The following AQR variants were observed in gnomAD, a reference collection of about 807,000 sequenced individuals.
The protein encoded by AQR is RNA helicase aquarius.
A neutral mutation model predicts 180.5 loss-of-function variants in AQR; 61 were observed. That is an observed-to-expected ratio of 0.34 (90% CI 0.28 to 0.42). AQR has a LOEUF of 0.42. AQR is among the 10% of genes least tolerant of loss of function. The pLI, the probability that AQR is intolerant of heterozygous loss-of-function variation, is 1.00. For missense variants in AQR, 1,281 were observed against 1,798.3 expected, an observed-to-expected ratio of 0.71 and a Z score of 5.20; for synonymous variants, 551 against 588.8, an observed-to-expected ratio of 0.94 and a Z score of 0.93.
chr15:34,873,160 T>C lies in AQR; in HGVS notation c.3597+668A>G, dbSNP rs547156598. ...GACAGATATTTGGGTTGTTTCTCAT[T>C]TCCAGAATAATTTGCAGTGATGAAC... On this transcript the variant is annotated intron_variant, in intron 30 of 34. Coordinates refer to ENST00000156471, the MANE Select transcript of AQR (RefSeq NM_014691.3). Among the ~76,000 whole-genome samples the C allele has an allele frequency of 9.3e-4, 141 of 152,242 alleles. 1 individual carries two copies. The highest frequency in any genetic ancestry group is 3.4e-3 in the African/African-American group (140 of 41,572).
At chr15:34,936,755 C>T (rs773924953) in intron 9 of AQR, among the ~76,000 whole-genome samples, 7 of 151,188 alleles carry the variant, frequency 4.6e-5, no homozygotes, top group Non-Finnish European at 7.4e-5. Flanking sequence ...AGTATATAAA[C>T]AATAGCGGCA....
At chr15:34,886,861 C>T (rs539956091) in intron 24 of AQR, among the ~76,000 whole-genome samples, 200 bp from the exon 25 acceptor site, 12 of 151,876 alleles carry the variant, frequency 7.9e-5, no homozygotes, top group African/African-American at 2.7e-4. Context: ...CGGTGGTTCA[C>T]GCCTGTAATC....
chr15:34,958,830 A>T (rs968778858), intron 3 of AQR, among the ~76,000 whole-genome samples: 2 of 152,174 alleles, frequency 1.3e-5, no homozygotes, highest in African/African-American at 4.8e-5. Flanking sequence ...TCACCTTCAG[A>T]CCATATGTTA....
rs201774135 is a variant in AQR at position 34,932,349 on chromosome 15, C to A, written c.869G>T (p.Arg290Leu). The change falls in exon 11 of 35, where the codon CGT becomes CTT. Residue 290 changes from arginine to leucine, a missense_variant. Physicochemically the swap from Arg to Leu is moderately radical, Grantham distance 102. Coordinates refer to ENST00000156471, the MANE Select transcript of AQR (RefSeq NM_014691.3). The stretch of plus-strand genomic sequence containing the variant: ...AAAAAGATGGCCATCCTCTTCTCTA[C>A]GAACAAGATTGGAAAGGTAACAGTG... The part of the protein sequence containing the change: ...LVHCYLSNLV[R>L]REEDGHLFSQ... 5 of 1,613,456 alleles carry A rather than the reference C, an allele frequency of 3.1e-6. No homozygotes were observed. The highest frequency in any genetic ancestry group is 2.2e-5 in the South Asian group (2 of 91,052).
Position 34,944,918 on chromosome 15 carries a change from C to G in AQR, c.331-490G>C, listed in dbSNP as rs76727492. Reference sequence around the variant, plus strand: ...TTTGACCTACCTCTGTTTCTAGTTACTGCCACAGACAAATGCTCCAAGCGT... The same window carrying G: ...TTTGACCTACCTCTGTTTCTAGTTAGTGCCACAGACAAATGCTCCAAGCGT... On this transcript the variant is annotated intron_variant, in intron 5 of 34. Transcript: ENST00000156471. Among the ~76,000 whole-genome samples the G allele has an allele frequency of 5.8e-3, 879 of 152,286 alleles. 12 individuals are homozygous for G. Among genetic ancestry groups the G allele is most frequent in the African/African-American group, 0.018 (754 of 41,554 alleles).
intron 11 of AQR, among the ~76,000 whole-genome samples, chr15:34,930,818 C>CTTTTTTTTTTTTTT (rs77229498): frequency 1.2e-5 from 1 of 84,760 alleles, no homozygotes; most frequent in African/African-American, 5.0e-5. Context: ...TACGCCACTT[C>CTTTTTTTTTTTTTT]TTTTTTTTTT....
intron 15 of AQR, among the ~76,000 whole-genome samples, chr15:34,917,056 T>C (rs1362876605): frequency 6.6e-6 from 1 of 152,212 alleles, no homozygotes; most frequent in Non-Finnish European, 1.5e-5. Context: ...AGTAACTATT[T>C]TCTGACTTTT....
At chr15:34,939,862 C>T in intron 8 of AQR, among the ~76,000 whole-genome samples, 1 of 152,204 alleles carries the variant, frequency 6.6e-6, no homozygotes, top group East Asian at 1.9e-4. Flanking sequence ...GAAATGGGTA[C>T]TACTGTCCAG....
At chr15:34,932,911 G>C (rs774765253) in intron 10 of AQR, among the ~76,000 whole-genome samples, 2 of 152,086 alleles carry the variant, frequency 1.3e-5, no homozygotes, top group Non-Finnish European at 2.9e-5. Flanking sequence ...AACCAAGATC[G>C]TGCCACTGCA....
At position 34,900,906 on chromosome 15, in the gene AQR, C is replaced by T. The variant is rs747729743; in HGVS notation, c.2002-43G>A. ...GAAAAAGATTGTGTCAGTATGACAT[C>T]TCCAACATTTGCACTTACTGGAATG... On this transcript the variant is annotated intron_variant, in intron 19 of 34. Transcript: ENST00000156471. The T allele has an allele frequency of 1.9e-6, 3 of 1,541,232 alleles. No homozygotes were observed. The South Asian group carries it at 3.8e-5, about 20-fold the overall frequency.
chr15:34,927,070 A>G lies in AQR; in HGVS notation c.1083T>C (p.Thr361=), dbSNP rs1566990968. 3.1e-6 allele frequency: 5 copies of G among 1,598,350 alleles called. No individual in the cohort carries two copies. Among genetic ancestry groups the G allele is most frequent in the Middle Eastern group, 3.3e-4 (2 of 5,992 alleles). Residue 361 remains threonine (T), a synonymous_variant, in exon 13 of 35, where the codon ACT becomes ACC. Coordinates refer to ENST00000156471, the MANE Select transcript of AQR (RefSeq NM_014691.3). Reference sequence around the variant, plus strand: ...CAAAAAACTTGACCAAGGACTCCCGAGTATCTACTTCTGCCACATTTGAGA... The same window carrying G: ...CAAAAAACTTGACCAAGGACTCCCGGGTATCTACTTCTGCCACATTTGAGA... ...FALSNVAEVD[T]RESLVKFFGP...
chr15:34,933,957 C>T (rs1471816616), intron 10 of AQR, among the ~76,000 whole-genome samples: 1 of 152,004 alleles, frequency 6.6e-6, no homozygotes, highest in African/African-American at 2.4e-5. Flanking sequence ...CCCGTCTCTA[C>T]AAAAAACACA....
intron 14 of AQR, among the ~76,000 whole-genome samples, chr15:34,919,879 CAGAG>C (rs905887173): frequency 6.6e-6 from 1 of 151,694 alleles, no homozygotes; most frequent in Non-Finnish European, 1.5e-5. Flanking sequence ...GCCTGGGCGA[CAGAG>C]AGAGACTCGG....
At chr15:34,871,461 C>G (rs1197139372) in intron 30 of AQR, among the ~76,000 whole-genome samples, 2 of 148,084 alleles carry the variant, frequency 1.4e-5, no homozygotes, top group Non-Finnish European at 3.0e-5. Flanking sequence ...GAGCTTCAAT[C>G]GTGCCTCTGC....
intron 32 of AQR, among the ~76,000 whole-genome samples, chr15:34,864,739 G>A (rs1267792805): frequency 6.6e-6 from 1 of 152,162 alleles, no homozygotes; most frequent in Non-Finnish European, 1.5e-5. Flanking sequence ...AATGACCACT[G>A]TATGGTCTCG....
At chr15:34,896,792 T>G (rs1408362632) in intron 22 of AQR, 105 bp downstream of exon 22, 1 of 937,276 alleles carries the variant, frequency 1.1e-6, no homozygotes, top group Non-Finnish European at 1.7e-6. Context: ...GAGGCTGCAG[T>G]GAGCTGAGAT....
intron 13 of AQR, among the ~76,000 whole-genome samples, chr15:34,920,882 C>T (rs1566989715): frequency 6.6e-6 from 1 of 151,898 alleles, no homozygotes; most frequent in Admixed American, 6.6e-5. Flanking sequence ...GGCGTGAACC[C>T]GGGAGGCGGA....
intron 5 of AQR, among the ~76,000 whole-genome samples, chr15:34,944,668 A>G (rs1894082276): frequency 6.6e-6 from 1 of 152,294 alleles, no homozygotes; most frequent in East Asian, 1.9e-4. Flanking sequence ...AATGGCTTTC[A>G]TTTCTTTAGT....
intron 22 of AQR, 88 bp from the exon 23 acceptor site, chr15:34,893,861 TA>T: frequency 8.7e-7 from 1 of 1,149,090 alleles, no homozygotes; most frequent in Non-Finnish European, 1.3e-6. Context: ...ACCTGAAAGA[TA>T]AAATTAACAA....
Sources: gnomAD v4.1 joint callset for allele counts (sites outside exome capture counted in the v4.1 genomes callset) on GRCh38, gnomAD v4.1.1 for gene constraint, MANE v1.5 for transcripts, NCBI Gene and HGNC (gene_info 2026-07-23, HGNC 2026-07-21) for gene names.